Variants in HS3ST5 observed in about 807,000 individuals in gnomAD.
The protein encoded by HS3ST5 is heparan sulfate glucosamine 3-O-sulfotransferase 5.
A neutral mutation model predicts 25.4 loss-of-function variants in HS3ST5; 10 were observed. That is an observed-to-expected ratio of 0.39 (90% CI 0.24 to 0.67). The LOEUF is 0.67. HS3ST5 is among the 30% of genes least tolerant of loss of function. HS3ST5 has a pLI of 0.44. For synonymous variants in HS3ST5, 170 were observed against 162.4 expected, an observed-to-expected ratio of 1.05 and a Z score of -0.36; for missense variants, 324 against 420.7, an observed-to-expected ratio of 0.77 and a Z score of 2.01.
intron 2 of HS3ST5, among the ~76,000 whole-genome samples, chr6:114,194,030 T>TG: frequency 6.6e-6 from 1 of 152,304 alleles, no homozygotes; most frequent in South Asian, 2.1e-4. Context: ...GTACCTTATG[T>TG]ACATACTTTA....
chr6:114,078,886 G>A (rs371068510), intron 3 of HS3ST5, among the ~76,000 whole-genome samples: 10 of 152,290 alleles, frequency 6.6e-5, no homozygotes, highest in South Asian at 4.1e-4. Context: ...TCAATAAAGC[G>A]AAAATTGCAG....
intron 1 of HS3ST5, among the ~76,000 whole-genome samples, chr6:114,242,270 ATAT>A (rs1436338100): frequency 6.6e-6 from 1 of 152,192 alleles, no homozygotes; most frequent in Non-Finnish European, 1.5e-5. Flanking sequence ...TTAATTAAGC[ATAT>A]TATTAAATTT....
intron 3 of HS3ST5, among the ~76,000 whole-genome samples, chr6:114,100,127 A>G (rs1255732515): frequency 6.6e-6 from 1 of 152,228 alleles, no homozygotes; most frequent in African/African-American, 2.4e-5. Flanking sequence ...TCTAGGAGAC[A>G]TAGGATGACA....
intron 1 of HS3ST5, among the ~76,000 whole-genome samples, chr6:114,286,254 A>C (rs921086450): frequency 6.6e-6 from 1 of 151,994 alleles, no homozygotes; most frequent in African/African-American, 2.4e-5. Flanking sequence ...AAAATTAATA[A>C]ATTTAATAAA....
At chr6:114,241,271 T>C (rs1772113275) in intron 1 of HS3ST5, among the ~76,000 whole-genome samples, 1 of 152,134 alleles carries the variant, frequency 6.6e-6, no homozygotes, top group South Asian at 2.1e-4. Flanking sequence ...TTGGATAGTT[T>C]AGCATGGAAA....
chr6:114,230,550 C>T (rs1355141080), intron 1 of HS3ST5, among the ~76,000 whole-genome samples: 2 of 149,686 alleles, frequency 1.3e-5, no homozygotes, highest in East Asian at 3.9e-4. Context: ...TTCTCTATTT[C>T]TTTTTTCTTA....
At chr6:114,106,323 G>T (rs1358479552) in intron 3 of HS3ST5, among the ~76,000 whole-genome samples, 2 of 151,982 alleles carry the variant, frequency 1.3e-5, no homozygotes, top group Non-Finnish European at 2.9e-5. Context: ...TTAGGAAAAG[G>T]ATAACAAATT....
chr6:114,145,437 G>A (rs963312433), intron 3 of HS3ST5, among the ~76,000 whole-genome samples: 3 of 152,296 alleles, frequency 2.0e-5, no homozygotes, highest in African/African-American at 7.2e-5. Context: ...CTGGTTTATG[G>A]CAAGCCTGAA....
At chr6:114,204,647 A>G (rs1194346608) in intron 2 of HS3ST5, among the ~76,000 whole-genome samples, 1 of 152,184 alleles carries the variant, frequency 6.6e-6, no homozygotes, top group Admixed American at 6.6e-5. Context: ...ATTTACTTTT[A>G]TAGTATAAAA....
chr6:114,258,911 G>A (rs1040469305), intron 1 of HS3ST5, among the ~76,000 whole-genome samples: 2 of 152,136 alleles, frequency 1.3e-5, no homozygotes, highest in African/African-American at 4.8e-5. Context: ...AGTTTGAAGA[G>A]GAGATGATAT....
intron 2 of HS3ST5, among the ~76,000 whole-genome samples, chr6:114,224,392 T>C (rs190340722): frequency 6.6e-6 from 1 of 151,584 alleles, no homozygotes; most frequent in African/African-American, 2.4e-5. Context: ...TAATTCATAA[T>C]GTTTATAGGC....
chr6:114,178,059 A>T (rs190302460), intron 2 of HS3ST5, among the ~76,000 whole-genome samples: 13 of 152,290 alleles, frequency 8.5e-5, no homozygotes, highest in Admixed American at 5.2e-4. Flanking sequence ...TTGCTAAAAG[A>T]CTTGCTCTTA....
chr6:114,320,957 T>C (rs1775948299), intron 1 of HS3ST5, among the ~76,000 whole-genome samples: 1 of 150,168 alleles, frequency 6.7e-6, no homozygotes, highest in Non-Finnish European at 1.5e-5. Flanking sequence ...AAAGCCAGGG[T>C]CTCACTAGGT....
At chr6:114,274,912 C>T (rs1263364423) in intron 1 of HS3ST5, among the ~76,000 whole-genome samples, 1 of 150,740 alleles carries the variant, frequency 6.6e-6, no homozygotes, top group Non-Finnish European at 1.5e-5. Context: ...ACTATGTATA[C>T]AACTATACAC....
chr6:114,256,353 A>T (rs928609239), intron 1 of HS3ST5, among the ~76,000 whole-genome samples: 1 of 150,840 alleles, frequency 6.6e-6, no homozygotes, highest in Non-Finnish European at 1.5e-5. Context: ...GCGCCACTGC[A>T]CTCCAGCCTG....
At chr6:114,203,095 G>A (rs1781105195) in intron 2 of HS3ST5, among the ~76,000 whole-genome samples, 1 of 152,160 alleles carries the variant, frequency 6.6e-6, no homozygotes. Flanking sequence ...TACATTTCAC[G>A]TTAACTTAAA....
intron 1 of HS3ST5, among the ~76,000 whole-genome samples, chr6:114,326,668 C>T (rs551964458): frequency 1.3e-5 from 2 of 152,008 alleles, no homozygotes; most frequent in African/African-American, 4.8e-5. Flanking sequence ...TTAGTCAATG[C>T]CCTTGAAGTC....
Position 114,342,335 on chromosome 6 carries a change from C to T in HS3ST5, c.-479G>A. On this transcript the variant is annotated 5_prime_UTR_variant, in exon 1 of 5. Coordinates refer to ENST00000312719, the MANE Select transcript of HS3ST5 (RefSeq NM_153612.4). ...TTTCGGATGCCCGGGCTAGGCTCGG[C>T]GGAGAGCGAGTCGGCGTGAATGAGA... is the stretch of plus-strand genomic sequence containing the variant. 6.4e-6 allele frequency: 1 copy of T among 155,332 alleles called. No individual in the cohort carries two copies. Among genetic ancestry groups the T allele is most frequent in the Non-Finnish European group, 1.4e-5 (1 of 70,026 alleles). 9.6% of individuals were successfully genotyped at this position (155,332 alleles called of 1,614,324 possible). A position where few individuals can be genotyped will look rare whatever the true frequency, so the allele number is the denominator to read the frequency against.
chr6:114,311,599 A>T (rs1389715847), intron 1 of HS3ST5, among the ~76,000 whole-genome samples: 2 of 114,846 alleles, frequency 1.7e-5, no homozygotes, highest in African/African-American at 6.9e-5. Flanking sequence ...CTGGAGTGCT[A>T]TGGCACAATC....
Sources: allele counts gnomAD v4.1 joint callset (sites outside exome capture counted in the v4.1 genomes callset), GRCh38; gene constraint gnomAD v4.1.1; transcripts MANE v1.5; gene names NCBI Gene and HGNC (gene_info 2026-07-23, HGNC 2026-07-21).